PPP1R16B: variants seen among roughly 807,000 people sequenced by gnomAD.
The protein encoded by PPP1R16B is protein phosphatase 1 regulatory inhibitor subunit 16B.
A neutral mutation model predicts 61.7 loss-of-function variants in PPP1R16B; 14 were observed. The ratio of observed to expected loss-of-function variants is 0.23; its 90% CI spans 0.15 to 0.35. PPP1R16B has a LOEUF of 0.35. Among genes scored for constraint, PPP1R16B ranks in the 10% least tolerant of loss-of-function variants. PPP1R16B has a pLI of 1.00. For missense variants in PPP1R16B, 547 were observed against 752.5 expected (o/e 0.73, Z 3.19); for synonymous variants, 266 against 305.3 (o/e 0.87, Z 1.34).
chr20:38,854,265 A>G (rs945253010), intron 2 of PPP1R16B, among the ~76,000 whole-genome samples: 2 of 152,238 alleles, frequency 1.3e-5, no homozygotes, highest in Non-Finnish European at 2.9e-5. Context: ...CTCTAAAACC[A>G]TGTGGCATTC....
intron 1 of PPP1R16B, among the ~76,000 whole-genome samples, chr20:38,832,748 G>C (rs919730098): frequency 6.6e-6 from 1 of 151,866 alleles, no homozygotes; most frequent in Non-Finnish European, 1.5e-5. Flanking sequence ...GTGAAACCCC[G>C]TCTCTACAAA....
intron 2 of PPP1R16B, among the ~76,000 whole-genome samples, chr20:38,853,570 G>A (rs2145731146): frequency 6.6e-6 from 1 of 152,344 alleles, no homozygotes; most frequent in South Asian, 2.1e-4. Flanking sequence ...AGTAACGGCA[G>A]TCCTCCAGGT....
chr20:38,870,964 T>C (rs528990988), intron 2 of PPP1R16B, among the ~76,000 whole-genome samples: 13 of 152,242 alleles, frequency 8.5e-5, no homozygotes, highest in African/African-American at 2.9e-4. Context: ...AGTCCTGCAG[T>C]GATTCACACC....
In PPP1R16B at chr20:38,918,524, T is replaced by C; in HGVS notation, c.1562T>C (p.Ile521Thr). Residue 521 changes from isoleucine (I) to threonine (T), a missense_variant, in exon 11 of 11, where the codon ATC (isoleucine) becomes ACC (threonine). Physicochemically the swap from Ile to Thr is moderately conservative, Grantham distance 89 (BLOSUM62 -1). Coordinates refer to ENST00000299824, the MANE Select transcript of PPP1R16B (RefSeq NM_015568.4). The surrounding 1 kb of genome is among the most constrained non-coding windows in gnomAD (Gnocchi z 5.3). ...AGCAGTGAAGGCAAGGCCCCCTTGATCGGAGGCAGAACTTCACCGTACAGC... is the reference window on the plus strand; with the variant it reads ...AGCAGTGAAGGCAAGGCCCCCTTGACCGGAGGCAGAACTTCACCGTACAGC... ...ESSSEGKAPLIGGRTSPYSSN... is the reference protein window; with the variant it reads ...ESSSEGKAPLTGGRTSPYSSN... 6.3e-7 allele frequency: 1 copy of C among 1,594,466 alleles called. No individual in the cohort carries two copies. Among genetic ancestry groups the C allele is most frequent in the Non-Finnish European group, 8.6e-7 (1 of 1,168,148 alleles).
intron 10 of PPP1R16B, among the ~76,000 whole-genome samples, chr20:38,913,851 A>C (rs1361322898): frequency 1.3e-5 from 2 of 152,134 alleles, no homozygotes; most frequent in African/African-American, 4.8e-5. Flanking sequence ...GGGTGAGTCA[A>C]AGTCCAGGAT....
Position 38,916,294 on chromosome 20 carries a change from A to G in PPP1R16B, c.1195-1863A>G, listed in dbSNP as rs1046233493. ...TCACATATTACCATATATATATATA[A>G]CATATATATGTTATATATGTTATAT... On this transcript the variant is annotated intron_variant, in intron 10 of 10. Coordinates refer to ENST00000299824, the MANE Select transcript of PPP1R16B (RefSeq NM_015568.4). Among the ~76,000 whole-genome samples the G allele has an allele frequency of 8.1e-5, 12 of 147,878 alleles. 1 individual carries two copies. The Admixed American group carries it at 8.2e-4, about 10-fold the overall frequency.
chr20:38,881,329 G>A (rs946554928), intron 2 of PPP1R16B, among the ~76,000 whole-genome samples: 5 of 152,254 alleles, frequency 3.3e-5, no homozygotes, highest in African/African-American at 7.2e-5. Flanking sequence ...TTTTGGAAGC[G>A]CAGTGCCTTG....
At position 38,895,787 on chromosome 20, in the gene PPP1R16B, C is replaced by CT. The variant is rs1415261149; in HGVS notation, c.467+78dup. On this transcript the variant is annotated intron_variant, in intron 4 of 10. Transcript: ENST00000299824. ...TCCAACTTCCTTCTTTCTCTCCTCC[C>CT]TCCCTCCTTCCTTCTTTCTCTCCTC... The CT allele has an allele frequency of 1.6e-3, 2,265 of 1,422,122 alleles. 261 individuals are homozygous for CT. The African/African-American group carries it at 0.024, about 15-fold the overall frequency. The allele number at this position is 1,422,122 out of a possible 1,614,324, so 88.1% of individuals were successfully genotyped here.
chr20:38,838,966 C>T (rs1249075691), intron 2 of PPP1R16B, among the ~76,000 whole-genome samples: 1 of 152,228 alleles, frequency 6.6e-6, no homozygotes, highest in Non-Finnish European at 1.5e-5. Context: ...CTCGCTCTGT[C>T]GCCCAGGCTG....
At chr20:38,889,472 A>T in intron 2 of PPP1R16B, 123 bp from the exon 3 acceptor site, 1 of 819,168 alleles carries the variant, frequency 1.2e-6, no homozygotes, top group South Asian at 1.5e-5. Flanking sequence ...TCTCATCTGT[A>T]AAATGGGGAG....
intron 1 of PPP1R16B, among the ~76,000 whole-genome samples, chr20:38,826,672 CAAA>C (rs1479497382): frequency 6.6e-5 from 10 of 152,294 alleles, no homozygotes; most frequent in African/African-American, 2.4e-4. Context: ...TGGTGGTTAC[CAAA>C]TGCTGGGTGC....
chr20:38,875,478 C>A (rs2085159130), intron 2 of PPP1R16B, among the ~76,000 whole-genome samples: 1 of 152,194 alleles, frequency 6.6e-6, no homozygotes, highest in Admixed American at 6.5e-5. Flanking sequence ...ACAGGGCCCC[C>A]CAGGCAGGTG....
rs754974944 is a variant in PPP1R16B, at chr20:38,918,352, G to T, written c.1390G>T (p.Asp464Tyr). Residue 464 changes from aspartate (D) to tyrosine (Y), a missense_variant, in exon 11 of 11, where the codon GAC becomes TAC. Asp to Tyr is a radical substitution (Grantham distance 160). Transcript: ENST00000299824. The surrounding 1 kb of genome is among the most constrained non-coding windows in gnomAD (Gnocchi z 5.3). ...SMAYGNPGVA[D>Y]ATPPWSSYKE... ...GGCCTATGGCAACCCTGGCGTGGCC[G>T]ACGCCACCCCGCCCTGGAGCAGCTA... 1 of 1,613,966 alleles carries T rather than the reference G, an allele frequency of 6.2e-7. No individual in the cohort carries two copies. The highest frequency in any genetic ancestry group is 8.5e-7 in the Non-Finnish European group (1 of 1,180,034).
At chr20:38,911,560 A>G (rs1427952916) in intron 10 of PPP1R16B, among the ~76,000 whole-genome samples, 1 of 149,688 alleles carries the variant, frequency 6.7e-6, no homozygotes, top group Non-Finnish European at 1.5e-5. Context: ...AAATTGAGAC[A>G]GAGTCTCGCT....
intron 2 of PPP1R16B, among the ~76,000 whole-genome samples, chr20:38,861,405 C>G (rs959528338): frequency 3.9e-5 from 6 of 152,222 alleles, no homozygotes; most frequent in Non-Finnish European, 8.8e-5. Flanking sequence ...ATGTCCTTGT[C>G]TATGAGTTGC....
At chr20:38,829,039 G>A (rs1410548471) in intron 1 of PPP1R16B, among the ~76,000 whole-genome samples, 1 of 152,162 alleles carries the variant, frequency 6.6e-6, no homozygotes, top group African/African-American at 2.4e-5. Flanking sequence ...CCCTTAAAGG[G>A]TCAGCCCTCT....
intron 1 of PPP1R16B, among the ~76,000 whole-genome samples, chr20:38,829,277 A>G (rs1286561238): frequency 6.6e-6 from 1 of 152,138 alleles, no homozygotes; most frequent in Non-Finnish European, 1.5e-5. Context: ...ATCCACCCAG[A>G]TGTTAGAAAA....
At chr20:38,844,793 A>G (rs79640499) in intron 2 of PPP1R16B, among the ~76,000 whole-genome samples, 3,883 of 152,312 alleles carry the variant, frequency 0.025, 84 homozygotes, top group Admixed American at 0.07. Flanking sequence ...TTACACCATC[A>G]GTGCAAATGT....
intron 1 of PPP1R16B, among the ~76,000 whole-genome samples, chr20:38,821,535 AC>A (rs1009141895): frequency 6.6e-6 from 1 of 152,216 alleles, no homozygotes; most frequent in Non-Finnish European, 1.5e-5. Context: ...GGTCTTTGTG[AC>A]ATATTTTTTT....
Sources: allele counts gnomAD v4.1 joint callset (sites outside exome capture counted in the v4.1 genomes callset), GRCh38; gene constraint gnomAD v4.1.1; non-coding constraint Gnocchi (gnomAD v3.1); transcripts MANE v1.5; gene names NCBI Gene and HGNC (gene_info 2026-07-23, HGNC 2026-07-21).